Variants in PTPRR observed in about 807,000 individuals in gnomAD.
The protein encoded by PTPRR is protein tyrosine phosphatase receptor type R, also known as receptor-type tyrosine-protein phosphatase R.
In PTPRR, 38 loss-of-function variants were observed where a neutral mutation model predicts 77.2. That is an observed-to-expected ratio of 0.49 (90% CI 0.38 to 0.65). The LOEUF is 0.65. Among genes scored for constraint, PTPRR ranks in the 30% least tolerant of loss-of-function variants. PTPRR has a pLI of 0.00. For synonymous variants in PTPRR, 299 were observed against 283.1 expected (o/e 1.06, Z -0.57); for missense variants, 744 against 799.2 (o/e 0.93, Z 0.83).
Position 70,734,050 on chromosome 12 carries a change from C to T in PTPRR, c.1007+11768G>A, listed in dbSNP as rs370687239. Among the ~76,000 whole-genome samples, 21 of 152,320 alleles carry T rather than the reference C, an allele frequency of 1.4e-4. No homozygotes were observed. The East Asian group carries it at 2.1e-3, about 15-fold the overall frequency. ...AAGGAAAAACCTCCTGACACAGTAT[C>T]TAAGATTCAGAACTGGTCGCTCTTA... On this transcript the variant is annotated intron_variant, in intron 6 of 13. Transcript: ENST00000283228.
At chr12:70,866,283 G>A (rs1207649629) in intron 2 of PTPRR, among the ~76,000 whole-genome samples, 12 of 151,902 alleles carry the variant, frequency 7.9e-5, no homozygotes, top group East Asian at 1.9e-4. Context: ...TCGATAGACC[G>A]CTAGCAAGAC....
At chr12:70,672,916 T>C in intron 10 of PTPRR, 1 of 1,521,572 alleles carries the variant, frequency 6.6e-7, no homozygotes, top group South Asian at 1.1e-5. Flanking sequence ...CCACTCAGCT[T>C]AGCCCAGGGA....
intron 2 of PTPRR, among the ~76,000 whole-genome samples, chr12:70,820,076 T>A (rs932250625): frequency 1.1e-4 from 16 of 152,240 alleles, no homozygotes; most frequent in Non-Finnish European, 2.2e-4. Context: ...TAACATTTTT[T>A]ATGAAAGCAT....
chr12:70,917,959 T>C (rs1310802664), intron 1 of PTPRR, among the ~76,000 whole-genome samples: 1 of 152,224 alleles, frequency 6.6e-6, no homozygotes, highest in African/African-American at 2.4e-5. Flanking sequence ...GGCCTGAATG[T>C]ATAGAATTCA....
chr12:70,788,526 G>A lies in PTPRR; in HGVS notation c.358-23748C>T, dbSNP rs552669425. On this transcript the variant is annotated intron_variant, in intron 2 of 13. Transcript: ENST00000283228. ...AAGAACTTTTGAGTTCTGTTCAAGT[G>A]AACATATTTATAATTCTACTCTCCT... Among the ~76,000 whole-genome samples, 3 of 152,266 alleles carry A rather than the reference G, an allele frequency of 2.0e-5. No homozygotes were observed. In the East Asian group the frequency reaches 5.8e-4, roughly 29 times the overall value.
chr12:70,742,339 T>A (rs1317160478), intron 6 of PTPRR, among the ~76,000 whole-genome samples: 2 of 152,198 alleles, frequency 1.3e-5, no homozygotes, highest in Non-Finnish European at 2.9e-5. Flanking sequence ...CATTTCTTGT[T>A]TTTTTGATTT....
intron 1 of PTPRR, among the ~76,000 whole-genome samples, chr12:70,901,098 T>C (rs1478966095): frequency 6.6e-6 from 1 of 151,562 alleles, no homozygotes; most frequent in African/African-American, 2.4e-5. Flanking sequence ...AGCATCATGT[T>C]GGTATGCAAA....
chr12:70,644,959 C>T (rs1165295667), intron 13 of PTPRR, among the ~76,000 whole-genome samples: 1 of 152,076 alleles, frequency 6.6e-6, no homozygotes, highest in African/African-American at 2.4e-5. Flanking sequence ...TTAGTCCTTC[C>T]CAACCTGGCT....
intron 4 of PTPRR, chr12:70,754,852 G>C: frequency 4.4e-6 from 4 of 910,822 alleles, no homozygotes; most frequent in Non-Finnish European, 6.2e-6. Context: ...GTCAAAACCT[G>C]ACTAAAATAT....
At chr12:70,841,722 ACAT>A (rs35508624) in intron 2 of PTPRR, among the ~76,000 whole-genome samples, 70,578 of 151,824 alleles carry the variant, frequency 0.46, 17,039 homozygotes, top group East Asian at 0.59. Flanking sequence ...AAAAGTAAAG[ACAT>A]CATTTTCCTA....
intron 4 of PTPRR, among the ~76,000 whole-genome samples, chr12:70,755,886 AT>A (rs1890552135): frequency 6.6e-6 from 1 of 152,116 alleles, no homozygotes; most frequent in Non-Finnish European, 1.5e-5. Context: ...CTCTATAAGC[AT>A]AGCTGGAAAC....
chr12:70,703,147 C>A (rs1180550375), intron 6 of PTPRR, among the ~76,000 whole-genome samples: 1 of 151,804 alleles, frequency 6.6e-6, no homozygotes, highest in Non-Finnish European at 1.5e-5. Flanking sequence ...TACATTGCAG[C>A]CATTGTGTTA....
chr12:70,700,660 T>A (rs549618144), intron 7 of PTPRR, among the ~76,000 whole-genome samples: 58 of 152,306 alleles, frequency 3.8e-4, no homozygotes, highest in African/African-American at 1.4e-3. Context: ...CACTAGAGCC[T>A]CTAAACTGCT....
intron 4 of PTPRR, among the ~76,000 whole-genome samples, chr12:70,758,705 C>T (rs1300079934): frequency 6.6e-6 from 1 of 152,044 alleles, no homozygotes; most frequent in Non-Finnish European, 1.5e-5. Flanking sequence ...CTCCTCCTGA[C>T]CCTCTCCTCT....
intron 2 of PTPRR, among the ~76,000 whole-genome samples, chr12:70,822,013 T>A (rs762896545): frequency 1.3e-5 from 2 of 152,198 alleles, no homozygotes; most frequent in Non-Finnish European, 2.9e-5. Context: ...ACATGTTTGA[T>A]TTCTGTGGTT....
intron 2 of PTPRR, among the ~76,000 whole-genome samples, chr12:70,768,914 G>A (rs1013314138): frequency 3.9e-4 from 59 of 151,540 alleles, no homozygotes; most frequent in African/African-American, 1.3e-3. Flanking sequence ...AAAACCACAT[G>A]ATTATCTCAA....
At chr12:70,641,737 A>G (rs1379879799) in intron 13 of PTPRR, among the ~76,000 whole-genome samples, 2 of 152,312 alleles carry the variant, frequency 1.3e-5, no homozygotes, top group East Asian at 3.9e-4. Flanking sequence ...GAAATCTTGC[A>G]ATTTTAGAGG....
chr12:70,687,142 G>T (rs4469994), intron 8 of PTPRR, among the ~76,000 whole-genome samples: 1,894 of 151,958 alleles, frequency 0.012, 45 homozygotes, highest in African/African-American at 0.043. Flanking sequence ...TTAGGAAATT[G>T]CAGCACAGAG....
intron 2 of PTPRR, among the ~76,000 whole-genome samples, chr12:70,778,693 T>C (rs996883819): frequency 3.9e-5 from 6 of 152,282 alleles, no homozygotes; most frequent in East Asian, 1.9e-4. Flanking sequence ...ATTTCTCTAA[T>C]GTTTTTTTTT....
Sources: gnomAD v4.1 joint callset for allele counts (sites outside exome capture counted in the v4.1 genomes callset) on GRCh38, gnomAD v4.1.1 for gene constraint, MANE v1.5 for transcripts, NCBI Gene and HGNC (gene_info 2026-07-23, HGNC 2026-07-21) for gene names.